Variants in ZNF385D observed in about 807,000 individuals in gnomAD.
ZNF385D encodes the protein zinc finger protein 385D, also known as zinc finger protein 659.
ZNF385D carries 15 observed loss-of-function variants against 35.8 expected under a neutral mutation model. That is an observed-to-expected ratio of 0.42 (90% confidence interval 0.28 to 0.64). The LOEUF (loss-of-function observed/expected upper bound fraction) is 0.64. Ranked by LOEUF, ZNF385D falls within the 30% of genes least tolerant of loss-of-function variation. The pLI, the probability that ZNF385D is intolerant of heterozygous loss-of-function variation, is 0.23. For missense variants in ZNF385D, 474 were observed against 494.6 expected, an observed-to-expected ratio of 0.96 and a Z score of 0.39; for synonymous variants, 212 against 186.8, an observed-to-expected ratio of 1.13 and a Z score of -1.10.
At chr3:21,783,290 G>C (rs2071562514) in intron 3 of ZNF385D, among the ~76,000 whole-genome samples, 1 of 152,042 alleles carries the variant, frequency 6.6e-6, no homozygotes, top group Non-Finnish European at 1.5e-5. Context: ...AGTTTGGTCA[G>C]GGCTTCCATT....
At chr3:21,503,926 A>G (rs1706583605) in intron 4 of ZNF385D, among the ~76,000 whole-genome samples, 1 of 152,150 alleles carries the variant, frequency 6.6e-6, no homozygotes, top group African/African-American at 2.4e-5. Context: ...TGGTACCTTT[A>G]AGTCTGATGA....
chr3:21,858,121 T>C (rs1376428753), intron 3 of ZNF385D, among the ~76,000 whole-genome samples: 1 of 139,486 alleles, frequency 7.2e-6, no homozygotes, highest in Admixed American at 7.6e-5. Flanking sequence ...AAGATGGTGC[T>C]ACTGCACTCA....
intron 3 of ZNF385D, among the ~76,000 whole-genome samples, chr3:21,902,257 G>A (rs1050548525): frequency 6.6e-6 from 1 of 152,086 alleles, no homozygotes; most frequent in African/African-American, 2.4e-5. Context: ...GGCTCATAAA[G>A]GCCTCAAACA....
intron 4 of ZNF385D, among the ~76,000 whole-genome samples, chr3:21,471,399 C>T (rs1239325556): frequency 6.6e-6 from 1 of 151,174 alleles, no homozygotes; most frequent in Admixed American, 6.6e-5. Flanking sequence ...ACATTATTTT[C>T]ATGGACAAAG....
At chr3:21,562,831 C>G (rs2063001287) in intron 3 of ZNF385D, among the ~76,000 whole-genome samples, 2 of 31,562 alleles carry the variant, frequency 6.3e-5, no homozygotes, top group African/African-American at 3.1e-4. Context: ...TAAGAGGACT[C>G]TTTTTTAACA....
intron 1 of ZNF385D, among the ~76,000 whole-genome samples, chr3:21,710,586 C>G (rs564555156): frequency 6.6e-6 from 1 of 152,134 alleles, no homozygotes; most frequent in Non-Finnish European, 1.5e-5. Flanking sequence ...TTACAGTCCT[C>G]GCATTTTCTC....
intron 4 of ZNF385D, among the ~76,000 whole-genome samples, chr3:21,462,506 A>C (rs1703239045): frequency 1.3e-5 from 2 of 152,192 alleles, no homozygotes; most frequent in South Asian, 4.1e-4. Context: ...TTAAGGGTAA[A>C]AGTTGACATT....
chr3:21,863,477 T>A (rs749575894), intron 3 of ZNF385D, among the ~76,000 whole-genome samples: 3 of 152,144 alleles, frequency 2.0e-5, no homozygotes, highest in Non-Finnish European at 4.4e-5. Flanking sequence ...AGCAACCTTA[T>A]TGACTATGAG....
chr3:21,781,692 G>A (rs1033740475), intron 3 of ZNF385D, among the ~76,000 whole-genome samples: 14 of 151,822 alleles, frequency 9.2e-5, no homozygotes, highest in African/African-American at 2.9e-4. Flanking sequence ...AAACAAACAC[G>A]TAAGTCTTGT....
intron 1 of ZNF385D, among the ~76,000 whole-genome samples, chr3:21,704,060 A>G (rs114352924): frequency 6.6e-6 from 1 of 152,184 alleles, no homozygotes; most frequent in Non-Finnish European, 1.5e-5. Context: ...CCCCTTTTTC[A>G]TATGCTTTTC....
At chr3:21,917,827 A>G (rs1015404351) in intron 3 of ZNF385D, among the ~76,000 whole-genome samples, 1 of 152,204 alleles carries the variant, frequency 6.6e-6, no homozygotes, top group South Asian at 2.1e-4. Context: ...TTTTTCCACT[A>G]TATCCATTGG....
chr3:22,349,356 T>G (rs1161309615), intron 2 of ZNF385D, among the ~76,000 whole-genome samples: 1 of 152,188 alleles, frequency 6.6e-6, no homozygotes, highest in East Asian at 1.9e-4. Context: ...CCTAGGGGAC[T>G]TGCGTAGGAA....
intron 2 of ZNF385D, among the ~76,000 whole-genome samples, chr3:22,244,978 C>G (rs2125319838): frequency 6.6e-6 from 1 of 152,130 alleles, no homozygotes; most frequent in East Asian, 1.9e-4. Flanking sequence ...TTCCAAATGG[C>G]CTACCTTATT....
At chr3:21,575,876 G>A (rs939653712) in intron 2 of ZNF385D, among the ~76,000 whole-genome samples, 8 of 152,110 alleles carry the variant, frequency 5.3e-5, no homozygotes, top group African/African-American at 1.9e-4. Flanking sequence ...AATAAATTGA[G>A]CAACATTGAA....
chr3:22,163,289 C>G (rs1706091856), intron 3 of ZNF385D, among the ~76,000 whole-genome samples: 1 of 152,138 alleles, frequency 6.6e-6, no homozygotes, highest in African/African-American at 2.4e-5. Flanking sequence ...AGCATGAATT[C>G]AGGTGGTATA....
intron 2 of ZNF385D, among the ~76,000 whole-genome samples, chr3:22,292,519 T>TTTAA (rs1225487354): frequency 6.6e-6 from 1 of 152,110 alleles, no homozygotes; most frequent in Non-Finnish European, 1.5e-5. Flanking sequence ...TTTCTAGAAC[T>TTTAA]ATGTGAGAGA....
chr3:21,832,222 A>G (rs1695040044), intron 3 of ZNF385D, among the ~76,000 whole-genome samples: 4 of 152,158 alleles, frequency 2.6e-5, no homozygotes, highest in Admixed American at 2.6e-4. Flanking sequence ...TTTCATTTTT[A>G]AAAGATCCAA....
intron 3 of ZNF385D, among the ~76,000 whole-genome samples, chr3:22,072,601 T>A (rs1465768412): frequency 1.3e-5 from 2 of 151,878 alleles, no homozygotes; most frequent in East Asian, 3.9e-4. Flanking sequence ...TATATTGTTA[T>A]ATTACCTAAT....
intron 3 of ZNF385D, among the ~76,000 whole-genome samples, chr3:21,521,354 A>G (rs1451383030): frequency 6.6e-6 from 1 of 152,234 alleles, no homozygotes; most frequent in Non-Finnish European, 1.5e-5. Flanking sequence ...TCATTCATTC[A>G]CAAAGAACTT....
Sources: gnomAD v4.1 joint callset for allele counts (sites outside exome capture counted in the v4.1 genomes callset) on GRCh38, gnomAD v4.1.1 for gene constraint, MANE v1.5 for transcripts, NCBI Gene and HGNC (gene_info 2026-07-23, HGNC 2026-07-21) for gene names.